CFAP418: variants seen among roughly 807,000 people sequenced by gnomAD.
CFAP418 encodes cilia- and flagella-associated protein 418.
CFAP418 carries 27 observed loss-of-function variants against 24.7 expected under a neutral mutation model. That is an observed-to-expected ratio of 1.09 (90% CI 0.81 to 1.51). CFAP418 has a LOEUF of 1.51. Ranked by LOEUF, CFAP418 falls within the 40% of genes most tolerant of loss-of-function variation. The pLI is 0.00. For synonymous variants in CFAP418, 74 were observed against 87.3 expected (o/e 0.85, Z 0.85); for missense variants, 257 against 255.2 (o/e 1.01, Z -0.05).
chr8:95,258,683 C>A (rs1811835698), intron 4 of CFAP418, among the ~76,000 whole-genome samples: 1 of 152,188 alleles, frequency 6.6e-6, no homozygotes, highest in Admixed American at 6.5e-5. Flanking sequence ...TTCACTCACT[C>A]AGAGCAACTT....
At chr8:95,260,870 C>A (rs1321756467) in intron 2 of CFAP418, among the ~76,000 whole-genome samples, 1 of 152,124 alleles carries the variant, frequency 6.6e-6, no homozygotes, top group Non-Finnish European at 1.5e-5. Context: ...CTATTTAAAA[C>A]TTCATTCTAG....
At chr8:95,263,211 G>A (rs1647407452) in intron 2 of CFAP418, among the ~76,000 whole-genome samples, 2 of 152,038 alleles carry the variant, frequency 1.3e-5, no homozygotes, top group Admixed American at 6.6e-5. Flanking sequence ...CAGTATATAG[G>A]TTGCTGTTAT....
chr8:95,248,752 T>A (rs1380787494), intron 5 of CFAP418, among the ~76,000 whole-genome samples: 8 of 151,802 alleles, frequency 5.3e-5, no homozygotes, highest in Non-Finnish European at 8.8e-5. Flanking sequence ...GTAGAAAAAA[T>A]TTTTAAAAAA....
At chr8:95,266,145 G>C (rs35084958) in intron 1 of CFAP418, among the ~76,000 whole-genome samples, 1 of 152,114 alleles carries the variant, frequency 6.6e-6, no homozygotes, top group Non-Finnish European at 1.5e-5. Context: ...CAGTATTCAC[G>C]CATGGGATTG....
At chr8:95,267,551 T>G (rs1586039255) in intron 1 of CFAP418, among the ~76,000 whole-genome samples, 1 of 152,252 alleles carries the variant, frequency 6.6e-6, no homozygotes, top group Middle Eastern at 3.4e-3. Flanking sequence ...GGTGGGCCAC[T>G]GCACTCCAGC....
chr8:95,268,136 T>C (rs778603805), intron 1 of CFAP418, among the ~76,000 whole-genome samples: 1 of 152,092 alleles, frequency 6.6e-6, no homozygotes. Flanking sequence ...TCATCTTAAC[T>C]CCCTGAGTTA....
At chr8:95,261,247 G>T (rs972390842) in intron 2 of CFAP418, among the ~76,000 whole-genome samples, 2 of 152,208 alleles carry the variant, frequency 1.3e-5, no homozygotes, top group African/African-American at 4.8e-5. Flanking sequence ...TACATAGTGG[G>T]TGAGGAAATT....
At chr8:95,251,087 G>T (rs1419828742) in intron 5 of CFAP418, among the ~76,000 whole-genome samples, 1 of 152,146 alleles carries the variant, frequency 6.6e-6, no homozygotes, top group Non-Finnish European at 1.5e-5. Flanking sequence ...AAGATAGTAG[G>T]TATTCTGTAA....
chr8:95,261,613 A>G (rs1811893337), intron 2 of CFAP418, among the ~76,000 whole-genome samples: 1 of 152,020 alleles, frequency 6.6e-6, no homozygotes, highest in Non-Finnish European at 1.5e-5. Context: ...TTGTTAATAC[A>G]TGTTTTTTTT....
intron 4 of CFAP418, among the ~76,000 whole-genome samples, chr8:95,256,605 A>G (rs1456850662): frequency 6.6e-6 from 1 of 152,258 alleles, no homozygotes; most frequent in Non-Finnish European, 1.5e-5. Context: ...CTTCCATTTC[A>G]GGCCACAGGA....
chr8:95,268,673 C>A (rs1313010940), intron 1 of CFAP418, among the ~76,000 whole-genome samples: 3 of 151,328 alleles, frequency 2.0e-5, no homozygotes, highest in African/African-American at 7.3e-5. Context: ...GAGGGGTATC[C>A]CGGTCCCCGA....
intron 2 of CFAP418, among the ~76,000 whole-genome samples, chr8:95,263,064 A>C (rs1410087788): frequency 2.6e-5 from 4 of 152,178 alleles, no homozygotes; most frequent in Non-Finnish European, 5.9e-5. Flanking sequence ...TTTGGGAAGG[A>C]AGGCAATAGA....
At chr8:95,258,041 A>C (rs1386176497) in intron 4 of CFAP418, among the ~76,000 whole-genome samples, 1 of 152,136 alleles carries the variant, frequency 6.6e-6, no homozygotes, top group Non-Finnish European at 1.5e-5. Context: ...GTATAGGCCC[A>C]GGCTAATGTG....
At chr8:95,248,408 T>C (rs1811659085) in intron 5 of CFAP418, among the ~76,000 whole-genome samples, 1 of 152,208 alleles carries the variant, frequency 6.6e-6, no homozygotes, top group Non-Finnish European at 1.5e-5. Context: ...GATACTCACC[T>C]ATGCCATATT....
At position 95,246,652 on chromosome 8, in the gene CFAP418, G is replaced by C. The variant is rs886063193; in HGVS notation, c.*965C>G. 1 of 152,138 alleles carries C rather than the reference G, an allele frequency of 6.6e-6. No homozygotes were observed. The highest frequency in any genetic ancestry group is 6.5e-5 in the Admixed American group (1 of 15,270). 9.4% of individuals were successfully genotyped at this position (152,138 alleles called of 1,614,324 possible). ...CTGATTTCCTGAATGTGCTGCTATT[G>C]TAGGGCTCCTCAGATCTCAGTGATG... On this transcript the variant is annotated 3_prime_UTR_variant, in exon 6 of 6. Coordinates refer to ENST00000286688, the MANE Select transcript of CFAP418 (RefSeq NM_177965.4).
chr8:95,247,826 T>TAAAAA, intron 5 of CFAP418, 56 bp from the exon 6 acceptor site: 28 of 1,110,500 alleles, frequency 2.5e-5, no homozygotes, highest in South Asian at 1.4e-4. Flanking sequence ...GCTTAATGAT[T>TAAAAA]AAAAAAAAAA....
chr8:95,265,576 A>C (rs1345778701), intron 1 of CFAP418, among the ~76,000 whole-genome samples: 5 of 152,124 alleles, frequency 3.3e-5, no homozygotes, highest in Admixed American at 3.3e-4. Context: ...GGTTGCTAAG[A>C]TGTCCTCTTA....
At chr8:95,265,731 C>T (rs1811967745) in intron 1 of CFAP418, among the ~76,000 whole-genome samples, 1 of 152,176 alleles carries the variant, frequency 6.6e-6, no homozygotes, top group African/African-American at 2.4e-5. Flanking sequence ...ACATAAGATT[C>T]TGGTCTGTTC....
intron 5 of CFAP418, among the ~76,000 whole-genome samples, chr8:95,249,391 G>T (rs1026380416): frequency 6.6e-6 from 1 of 152,174 alleles, no homozygotes. Context: ...GTCTGGGTGT[G>T]GTGGGTCATG....
Sources: gnomAD v4.1 joint callset for allele counts (sites outside exome capture counted in the v4.1 genomes callset) on GRCh38, gnomAD v4.1.1 for gene constraint, MANE v1.5 for transcripts, NCBI Gene and HGNC (gene_info 2026-07-23, HGNC 2026-07-21) for gene names.